The following ZNF483 variants were observed in gnomAD, a reference collection of about 807,000 sequenced individuals.
ZNF483 encodes zinc finger protein 483, also known as zinc finger protein HIT-10.
A neutral mutation model predicts 28.6 loss-of-function variants in ZNF483; 9 were observed. That is an observed-to-expected ratio of 0.32 (90% confidence interval 0.19 to 0.55). The LOEUF (loss-of-function observed/expected upper bound fraction) is 0.55, where lower values mean the gene tolerates loss of function less well. Ranked by LOEUF, ZNF483 falls within the 20% of genes least tolerant of loss-of-function variation. The pLI, the probability that ZNF483 is intolerant of heterozygous loss-of-function variation, is 0.93. For missense variants in ZNF483, 675 were observed against 871.7 expected, an observed-to-expected ratio of 0.77 and a Z score of 2.84; for synonymous variants, 322 against 306.2, an observed-to-expected ratio of 1.05 and a Z score of -0.54.
chr9:111,559,763 A>G (rs1160677474), downstream of ZNF483, among the ~76,000 whole-genome samples: 1 of 152,208 alleles, frequency 6.6e-6, no homozygotes, highest in Non-Finnish European at 1.5e-5. Flanking sequence ...ACCCCAGCAG[A>G]CAGTCACCTT....
At position 111,541,670 on chromosome 9, in the gene ZNF483, A is replaced by G; in HGVS notation, c.735A>G (p.Leu245=). 3 of 1,600,688 alleles carry G rather than the reference A, an allele frequency of 1.9e-6. No homozygotes were observed. The highest frequency in any genetic ancestry group is 2.6e-6 in the Non-Finnish European group (3 of 1,176,328). The part of the protein sequence containing the change: ...SKSSRLDESA[L]DKIIERCLRD... Reference sequence around the variant, plus strand: ...TATATCTTTTAGATGAATCAGCTTTAGATAAAATAATAGAAAGGTGCCTCA... The same window carrying G: ...TATATCTTTTAGATGAATCAGCTTTGGATAAAATAATAGAAAGGTGCCTCA... Residue 245 remains leucine, a synonymous_variant, in exon 6 of 6, where the codon TTA becomes TTG. Coordinates refer to ENST00000309235, the MANE Select transcript of ZNF483 (RefSeq NM_133464.5).
In ZNF483 at chr9:111,547,982, A is replaced by G. The variant is rs965281869; in HGVS notation, c.*4812A>G. Among the ~76,000 whole-genome samples, 4 of 152,092 alleles carry G rather than the reference A, an allele frequency of 2.6e-5. No individual in the cohort carries two copies. The highest frequency in any genetic ancestry group is 2.0e-4 in the Admixed American group (3 of 15,258). On this transcript the variant is annotated 3_prime_UTR_variant, in exon 6 of 6. Coordinates refer to ENST00000309235, the MANE Select transcript of ZNF483 (RefSeq NM_133464.5). ...GCTGTCTGCTCTGTTTCTTTGGTCT[A>G]TATGTTTGTCTTTATGCCAGTACCA...
intron 5 of ZNF483, chr9:111,576,220 C>A: frequency 1.4e-6 from 1 of 739,134 alleles, no homozygotes; most frequent in Non-Finnish European, 2.2e-6. Flanking sequence ...AGGCAATTCA[C>A]TGAATAGGAA....
At position 111,547,591 on chromosome 9, in the gene ZNF483, G is replaced by A. The variant is rs557317308; in HGVS notation, c.*4421G>A. On this transcript the variant is annotated 3_prime_UTR_variant, in exon 6 of 6. Coordinates refer to ENST00000309235, the MANE Select transcript of ZNF483 (RefSeq NM_133464.5). ...TTGCAAATACTTTCTTCCATTCTGTGTGGGTTGCCTTTTCATTCTATTCCT... is the reference window on the plus strand; with the variant it reads ...TTGCAAATACTTTCTTCCATTCTGTATGGGTTGCCTTTTCATTCTATTCCT... Among the ~76,000 whole-genome samples, 3 of 152,206 alleles carry A rather than the reference G, an allele frequency of 2.0e-5. No homozygotes were observed. The East Asian group carries it at 5.8e-4, about 29-fold the overall frequency.
rs1284281201 is a variant in ZNF483, at chr9:111,551,165, A to C, written c.*7995A>C. ...CCCAATATATCCATAATATTATTTC[A>C]TCATGTAATCAATGTAAAAAAGTAT... On this transcript the variant is annotated 3_prime_UTR_variant, in exon 6 of 6. Transcript: ENST00000309235. 6.6e-6 allele frequency among the ~76,000 whole-genome samples: 1 copy of C among 152,208 alleles called. No homozygotes were observed. Among genetic ancestry groups the C allele is most frequent in the African/African-American group, 2.4e-5 (1 of 41,456 alleles).
chr9:111,559,489 A>T (rs558321574), downstream of ZNF483, among the ~76,000 whole-genome samples: 12 of 152,202 alleles, frequency 7.9e-5, no homozygotes, highest in Admixed American at 7.2e-4. Flanking sequence ...AAACCCTGCT[A>T]TGACTCAAGC....
At chr9:111,562,923 G>GA in intron 5 of ZNF483, 2 of 1,374,012 alleles carry the variant, frequency 1.5e-6, no homozygotes, top group Non-Finnish European at 1.9e-6. Context: ...ACAGTGAGGT[G>GA]ACTGGTTGTT....
intron 5 of ZNF483, among the ~76,000 whole-genome samples, chr9:111,540,281 C>T (rs1650068756): frequency 6.6e-6 from 1 of 152,008 alleles, no homozygotes; most frequent in Non-Finnish European, 1.5e-5. Flanking sequence ...GAAGGAAATA[C>T]ACAGAATTGT....
At chr9:111,525,456 C>G (rs1032919556) in intron 1 of ZNF483, among the ~76,000 whole-genome samples, 194 bp downstream of exon 1, 8 of 152,164 alleles carry the variant, frequency 5.3e-5, no homozygotes, top group African/African-American at 1.9e-4. Flanking sequence ...CCCTGCGCCA[C>G]TTGGGCACTG....
At chr9:111,574,009 T>C (rs1244406708) in intron 5 of ZNF483, among the ~76,000 whole-genome samples, 1 of 152,136 alleles carries the variant, frequency 6.6e-6, no homozygotes, top group Non-Finnish European at 1.5e-5. Flanking sequence ...GCCCTACTGC[T>C]CCAAGAAGCA....
At chr9:111,532,204 G>A (rs921762086) in intron 3 of ZNF483, among the ~76,000 whole-genome samples, 1 of 152,100 alleles carries the variant, frequency 6.6e-6, no homozygotes, top group African/African-American at 2.4e-5. Context: ...AGCTACCCGG[G>A]ATCTGAGGTG....
At chr9:111,575,709 A>G (rs528636399) in intron 5 of ZNF483, among the ~76,000 whole-genome samples, 25 of 152,312 alleles carry the variant, frequency 1.6e-4, no homozygotes, top group African/African-American at 6.0e-4. Flanking sequence ...AAATAATGCA[A>G]TTGGGCCTCT....
rs942320984 is a variant in ZNF483 at position 111,542,316 on chromosome 9, C to T, written c.1381C>T (p.His461Tyr). Residue 461 changes from histidine (H) to tyrosine (Y), a missense_variant, in exon 6 of 6, where the codon CAC (histidine) becomes TAC (tyrosine). His to Tyr is a moderately conservative substitution (Grantham distance 83, BLOSUM62 2). This residue lies in a region of ZNF483 where 525 missense variants were observed against 581.8 expected (regional missense o/e 0.90). Transcript: ENST00000309235. The surrounding 1 kb of genome is among the most constrained non-coding windows in gnomAD (Gnocchi z 6.2). Reference protein sequence around the residue: ...SASLTKHRRIHTGEKPYMCNE... With the variant: ...SASLTKHRRIYTGEKPYMCNE... Reference sequence around the variant, plus strand: ...CTCACTCACCAAACATCGGAGAATTCACACTGGAGAAAAACCCTATATGTG... The same window carrying T: ...CTCACTCACCAAACATCGGAGAATTTACACTGGAGAAAAACCCTATATGTG... The T allele has an allele frequency of 8.7e-6, 14 of 1,614,024 alleles. No individual in the cohort carries two copies. The highest frequency in any genetic ancestry group is 3.3e-4 in the Middle Eastern group (2 of 6,084).
At chr9:111,564,216 T>C (rs758839430) in intron 5 of ZNF483, 278 of 1,077,688 alleles carry the variant, frequency 2.6e-4, no homozygotes, top group Non-Finnish European at 3.2e-4. Context: ...CATGGATTTA[T>C]AGACAAGATT....
chr9:111,566,204 A>AAAAT (rs370786202), intron 5 of ZNF483, among the ~76,000 whole-genome samples: 2,793 of 152,072 alleles, frequency 0.018, 86 homozygotes, highest in African/African-American at 0.062. Context: ...CTCCATGTCA[A>AAAAT]AAATAAATAA....
rs1045156343 is a variant in ZNF483, at chr9:111,552,131, G to T, written c.*8961G>T. Reference sequence around the variant, plus strand: ...TTAGGGAGAAAATGTGAATCACAGTGCTACTTTTTGTCTTTGATTGAATAT... The same window carrying T: ...TTAGGGAGAAAATGTGAATCACAGTTCTACTTTTTGTCTTTGATTGAATAT... On this transcript the variant is annotated 3_prime_UTR_variant, in exon 6 of 6. Transcript: ENST00000309235. Among the ~76,000 whole-genome samples the T allele has an allele frequency of 6.6e-6, 1 of 152,156 alleles. No individual in the cohort carries two copies. The highest frequency in any genetic ancestry group is 6.5e-5 in the Admixed American group (1 of 15,268).
At chr9:111,529,155 T>C (rs946571834) in intron 2 of ZNF483, among the ~76,000 whole-genome samples, 2 of 151,810 alleles carry the variant, frequency 1.3e-5, no homozygotes. Context: ...AAAAGATTGA[T>C]TTCTAGGATT....
chr9:111,556,302 T>C (rs1485975092), downstream of ZNF483, among the ~76,000 whole-genome samples: 1 of 152,252 alleles, frequency 6.6e-6, no homozygotes, highest in East Asian at 1.9e-4. Flanking sequence ...CCATGGCTGC[T>C]CTCAAGGCCT....
In ZNF483 at chr9:111,550,867, CTGTG is replaced by C. The variant is rs1827921166; in HGVS notation, c.*7699_*7702del. 6.6e-6 allele frequency among the ~76,000 whole-genome samples: 1 copy of C among 152,056 alleles called. No homozygotes were observed. Among genetic ancestry groups the C allele is most frequent in the Admixed American group, 6.6e-5 (1 of 15,260 alleles). On this transcript the variant is annotated 3_prime_UTR_variant, in exon 6 of 6. Transcript: ENST00000309235. ...TGAGCATGTTAATTATAGTGTCTTT[CTGTG>C]TTATTCTGCTCCCTGCATTATCCCT... is the stretch of plus-strand genomic sequence containing the variant.
Sources: gnomAD v4.1 joint callset for allele counts (sites outside exome capture counted in the v4.1 genomes callset) on GRCh38, gnomAD v4.1.1 for gene constraint, gnomAD v4.1.1 regional missense constraint, Gnocchi (gnomAD v3.1) non-coding constraint, MANE v1.5 for transcripts, NCBI Gene and HGNC (gene_info 2026-07-23, HGNC 2026-07-21) for gene names.